The following NOTCH2 variants were observed in gnomAD, a reference collection of about 807,000 sequenced individuals.
NOTCH2 encodes neurogenic locus notch homolog protein 2.
A neutral mutation model predicts 235.8 loss-of-function variants in NOTCH2; 29 were observed. The observed-to-expected ratio is 0.12, with a 90% CI of 0.09 to 0.17. The LOEUF is 0.17. Among genes scored for constraint, NOTCH2 ranks in the 10% least tolerant of loss-of-function variants. The probability of loss-of-function intolerance (pLI) is 1.00; values close to 1 mark genes in which losing one functional copy is unlikely to be tolerated. For synonymous variants in NOTCH2, 1,086 were observed against 1,141.5 expected (o/e 0.95, Z 0.98); for missense variants, 2,285 against 3,150.2 (o/e 0.73, Z 6.57).
intron 12 of NOTCH2, among the ~76,000 whole-genome samples, chr1:119,955,723 A>G (rs1650669579): frequency 6.6e-6 from 1 of 152,086 alleles, no homozygotes. Context: ...TTCAATAATT[A>G]AATTGATTGT....
chr1:119,944,452 G>A (rs1334928209), intron 17 of NOTCH2, among the ~76,000 whole-genome samples: 9 of 150,076 alleles, frequency 6.0e-5, no homozygotes, highest in Admixed American at 2.7e-4. Context: ...GAAGAATGGC[G>A]CAAACCCAGG....
Position 119,969,557 on chromosome 1 carries a change from G to T in NOTCH2, c.1062C>A (p.Ile354=). 6.2e-7 allele frequency: 1 copy of T among 1,614,020 alleles called. No individual in the cohort carries two copies. ...TGCAAGAGAAGGAGGCCACACGGTC[G>T]ATGCAGGTGGAGCCTGGAGTACAGG... ...FASCTPGSTC[I]DRVASFSCMC... is the part of the protein sequence containing the mutation. Residue 354 remains isoleucine (I), a synonymous_variant, in exon 6 of 34, where the codon ATC becomes ATA. Coordinates refer to ENST00000256646, the MANE Select transcript of NOTCH2 (RefSeq NM_024408.4).
intron 5 of NOTCH2, among the ~76,000 whole-genome samples, chr1:119,975,998 C>T (rs950481711): frequency 6.6e-6 from 1 of 152,184 alleles, no homozygotes; most frequent in Non-Finnish European, 1.5e-5. Flanking sequence ...TCATCCTTTC[C>T]AGTCATCTCT....
intron 22 of NOTCH2, among the ~76,000 whole-genome samples, chr1:119,931,000 G>A (rs1193759101): frequency 1.3e-5 from 2 of 151,106 alleles, no homozygotes; most frequent in East Asian, 3.9e-4. Flanking sequence ...CTACTCGGGA[G>A]GCTGAGGCAG....
intron 14 of NOTCH2, among the ~76,000 whole-genome samples, chr1:119,953,024 A>C (rs372411687): frequency 6.4e-4 from 98 of 152,256 alleles, no homozygotes; most frequent in African/African-American, 2.1e-3. Context: ...AAATATTACC[A>C]TTTCAGGCTG....
intron 17 of NOTCH2, among the ~76,000 whole-genome samples, chr1:119,947,480 A>G (rs1403775092): frequency 6.6e-6 from 1 of 152,230 alleles, no homozygotes; most frequent in African/African-American, 2.4e-5. Context: ...TACACCCACT[A>G]GAAGAGCTAA....
intron 25 of NOTCH2, 124 bp downstream of exon 25, chr1:119,925,181 C>G (rs1022446483): frequency 3.0e-5 from 36 of 1,216,482 alleles, no homozygotes; most frequent in Non-Finnish European, 4.4e-5. Context: ...TGGGACAAGG[C>G]TGGCACCATC....
chr1:119,953,479 T>A, intron 14 of NOTCH2, 64 bp downstream of exon 14: 1 of 1,539,170 alleles, frequency 6.5e-7, no homozygotes, highest in Non-Finnish European at 9.0e-7. Context: ...AAGAAGTGAG[T>A]CAAGCAGTAT....
intron 18 of NOTCH2, 40 bp from the exon 19 acceptor site, chr1:119,940,796 G>A (rs1650038250): frequency 6.5e-7 from 1 of 1,548,696 alleles, no homozygotes; most frequent in Non-Finnish European, 8.9e-7. Flanking sequence ...TGTATCTGGT[G>A]CCTGTGACTT....
At chr1:119,949,957 A>T (rs1650406021) in intron 15 of NOTCH2, among the ~76,000 whole-genome samples, 2 of 152,218 alleles carry the variant, frequency 1.3e-5, no homozygotes, top group Admixed American at 6.5e-5. Flanking sequence ...AAGCCATAGA[A>T]ATATAACCAA....
intron 19 of NOTCH2, among the ~76,000 whole-genome samples, chr1:119,939,867 TAAGTC>T (rs1650002790): frequency 6.6e-6 from 1 of 151,248 alleles, no homozygotes; most frequent in African/African-American, 2.4e-5. Flanking sequence ...GTGCGCCCTG[TAAGTC>T]AAGTTAAGTT....
At chr1:119,949,449 C>T (rs1182267951) in intron 15 of NOTCH2, among the ~76,000 whole-genome samples, 4 of 143,472 alleles carry the variant, frequency 2.8e-5, no homozygotes, top group Non-Finnish European at 4.5e-5. Context: ...TGCAGTGATG[C>T]GATCTCGGCT....
intron 29 of NOTCH2, among the ~76,000 whole-genome samples, chr1:119,921,320 G>C (rs1649278361): frequency 6.6e-6 from 1 of 152,182 alleles, no homozygotes; most frequent in African/African-American, 2.4e-5. Flanking sequence ...TTTTGCCAAT[G>C]TCAATGATAA....
At chr1:120,061,868 T>TG (rs1396071511) in intron 1 of NOTCH2, among the ~76,000 whole-genome samples, 1 of 91,796 alleles carries the variant, frequency 1.1e-5, no homozygotes, top group Non-Finnish European at 2.3e-5. Flanking sequence ...CCTCACTGCC[T>TG]GGCCAGAGGA....
chr1:119,921,494 TA>T (rs1649283259), intron 29 of NOTCH2, among the ~76,000 whole-genome samples: 1 of 152,236 alleles, frequency 6.6e-6, no homozygotes, highest in South Asian at 2.1e-4. Context: ...TTAGTATTTT[TA>T]AAGAGTTATT....
chr1:119,927,822 T>C (rs72697235), intron 23 of NOTCH2, among the ~76,000 whole-genome samples: 19,024 of 152,262 alleles, frequency 0.12, 1,608 homozygotes, highest in Middle Eastern at 0.22. Context: ...ATTTCTTTTT[T>C]GATGTTAGTG....
intron 2 of NOTCH2, among the ~76,000 whole-genome samples, chr1:120,029,541 G>A (rs1553210648): frequency 6.6e-6 from 1 of 151,594 alleles, no homozygotes; most frequent in African/African-American, 2.4e-5. Context: ...AGTAGAGATA[G>A]GGTTTCACTA....
intron 22 of NOTCH2, 65 bp downstream of exon 22, chr1:119,935,407 C>T (rs1190945881): frequency 1.1e-5 from 18 of 1,613,302 alleles, no homozygotes; most frequent in Non-Finnish European, 1.4e-5. Context: ...CCCCTGAACA[C>T]TAAGAATGGA....
intron 10 of NOTCH2, among the ~76,000 whole-genome samples, chr1:119,965,122 G>A (rs2101139408): frequency 6.6e-6 from 1 of 152,300 alleles, no homozygotes; most frequent in African/African-American, 2.4e-5. Flanking sequence ...CTGCTGAGAA[G>A]CCCCAGTGAA....
Sources: allele counts gnomAD v4.1 joint callset (sites outside exome capture counted in the v4.1 genomes callset), GRCh38; gene constraint gnomAD v4.1.1; transcripts MANE v1.5; gene names NCBI Gene and HGNC (gene_info 2026-07-23, HGNC 2026-07-21).